Variants in ENTREP2 observed in about 807,000 individuals in gnomAD.
ENTREP2 encodes endosomal transmembrane epsin interactor 2, also known as protein ENTREP2.
chr15:29,634,911 CA>C, the ENTREP2 span, among the ~76,000 whole-genome samples: 1 of 152,174 alleles, frequency 6.6e-6, no homozygotes, highest in Non-Finnish European at 1.5e-5. Flanking sequence ...CCCCAGGGAC[CA>C]CCCTCCAAGA....
At chr15:29,430,613 G>T in the ENTREP2 span, among the ~76,000 whole-genome samples, 1 of 152,098 alleles carries the variant, frequency 6.6e-6, no homozygotes, top group Admixed American at 6.5e-5. Flanking sequence ...TCATGCCACT[G>T]CACTCCCGCC....
At chr15:29,318,029 T>C in the ENTREP2 span, among the ~76,000 whole-genome samples, 3 of 152,118 alleles carry the variant, frequency 2.0e-5, no homozygotes, top group Non-Finnish European at 4.4e-5. Flanking sequence ...AACAAAACAC[T>C]CCTGATTAGA....
the ENTREP2 span, among the ~76,000 whole-genome samples, chr15:29,615,149 AT>A: frequency 1.5e-3 from 219 of 146,522 alleles, 1 homozygote; most frequent in Non-Finnish European, 2.0e-3. Context: ...TCTCTCACAA[AT>A]TTTTTTTTCT....
the ENTREP2 span, among the ~76,000 whole-genome samples, chr15:29,186,273 G>C: frequency 3.3e-5 from 5 of 152,238 alleles, no homozygotes; most frequent in African/African-American, 9.6e-5. Context: ...CTGTCTCTCT[G>C]TAGTTCCTTT....
At chr15:29,473,803 G>A in the ENTREP2 span, among the ~76,000 whole-genome samples, 6 of 152,178 alleles carry the variant, frequency 3.9e-5, no homozygotes, top group African/African-American at 1.2e-4. Context: ...GGCCCCGGCC[G>A]CAGCCACGGC....
chr15:29,462,496 G>A, the ENTREP2 span, among the ~76,000 whole-genome samples: 1 of 152,044 alleles, frequency 6.6e-6, no homozygotes, highest in Non-Finnish European at 1.5e-5. Flanking sequence ...TGTAATGCCA[G>A]CTACTCGGGA....
At chr15:29,352,751 T>C in the ENTREP2 span, among the ~76,000 whole-genome samples, 1 of 152,250 alleles carries the variant, frequency 6.6e-6, no homozygotes, top group Non-Finnish European at 1.5e-5. Context: ...TAGGAGCTGC[T>C]ATTAGCTCAT....
At chr15:29,504,502 A>G in the ENTREP2 span, among the ~76,000 whole-genome samples, 2 of 152,250 alleles carry the variant, frequency 1.3e-5, no homozygotes, top group African/African-American at 4.8e-5. Flanking sequence ...TACAGAGGAA[A>G]TAGACAGGTT....
At chr15:29,233,972 C>A in the ENTREP2 span, 1 of 1,511,544 alleles carries the variant, frequency 6.6e-7, no homozygotes, top group East Asian at 2.3e-5. Context: ...CAAATCAGGA[C>A]TTGATGGGAC....
At chr15:29,457,740 G>A in the ENTREP2 span, among the ~76,000 whole-genome samples, 2 of 152,198 alleles carry the variant, frequency 1.3e-5, no homozygotes, top group East Asian at 1.9e-4. Flanking sequence ...AGTGTCACAC[G>A]GGAGAGACAC....
the ENTREP2 span, among the ~76,000 whole-genome samples, chr15:29,537,463 T>C: frequency 6.6e-6 from 1 of 152,208 alleles, no homozygotes; most frequent in East Asian, 1.9e-4. Context: ...GATTCTTCTT[T>C]TAGTCTAATG....
chr15:29,412,616 T>C, the ENTREP2 span, among the ~76,000 whole-genome samples: 1 of 152,146 alleles, frequency 6.6e-6, no homozygotes, highest in South Asian at 2.1e-4. Flanking sequence ...TTATCAAATG[T>C]GTAGTCTCTC....
At chr15:29,131,813 C>G in the ENTREP2 span, among the ~76,000 whole-genome samples, 1 of 149,538 alleles carries the variant, frequency 6.7e-6, no homozygotes, top group South Asian at 2.2e-4. Context: ...CTGAACCATA[C>G]GCTTGCCACC....
chr15:29,230,415 T>C, the ENTREP2 span, among the ~76,000 whole-genome samples: 1 of 152,174 alleles, frequency 6.6e-6, no homozygotes, highest in South Asian at 2.1e-4. Flanking sequence ...ACATAACGTA[T>C]GATTTTAGGC....
At chr15:29,310,900 A>C in the ENTREP2 span, among the ~76,000 whole-genome samples, 1 of 152,240 alleles carries the variant, frequency 6.6e-6, no homozygotes, top group Non-Finnish European at 1.5e-5. Flanking sequence ...ACAGCGTGAG[A>C]ATTAAAACCC....
chr15:29,658,679 C>T, the ENTREP2 span, among the ~76,000 whole-genome samples: 1 of 152,022 alleles, frequency 6.6e-6, no homozygotes, highest in South Asian at 2.1e-4. Context: ...AATACAACAC[C>T]CAAGACTGAT....
At chr15:29,372,871 A>C in the ENTREP2 span, among the ~76,000 whole-genome samples, 1 of 152,190 alleles carries the variant, frequency 6.6e-6, no homozygotes, top group Non-Finnish European at 1.5e-5. Flanking sequence ...AGAAATACTG[A>C]ATCGTTCAAA....
the ENTREP2 span, among the ~76,000 whole-genome samples, chr15:29,653,643 T>A: frequency 1.8e-4 from 27 of 152,310 alleles, no homozygotes; most frequent in African/African-American, 6.5e-4. Context: ...CCCTTTGCCT[T>A]CCGCCATGAC....
chr15:29,196,541 C>T, the ENTREP2 span: 1 of 1,551,468 alleles, frequency 6.4e-7, no homozygotes, highest in African/African-American at 1.4e-5. Flanking sequence ...AGCAGACACA[C>T]ACCTCCACAC....
Sources: allele counts gnomAD v4.1 joint callset (sites outside exome capture counted in the v4.1 genomes callset), GRCh38; gene constraint gnomAD v4.1.1; transcripts MANE v1.5; gene names NCBI Gene and HGNC (gene_info 2026-07-23, HGNC 2026-07-21).